Variants in AHCYL2 observed in about 807,000 individuals in gnomAD.
The protein encoded by AHCYL2 is S-adenosylhomocysteine hydrolase-like protein 2.
In AHCYL2, 28 loss-of-function variants were observed where a neutral mutation model predicts 81.4. That is an observed-to-expected ratio of 0.34 (90% CI 0.25 to 0.47). The LOEUF is 0.47. Among genes scored for constraint, AHCYL2 ranks in the 20% least tolerant of loss-of-function variants. The pLI is 1.00. For synonymous variants in AHCYL2, 272 were observed against 290.2 expected, an observed-to-expected ratio of 0.94 and a Z score of 0.64; for missense variants, 551 against 785.1, an observed-to-expected ratio of 0.70 and a Z score of 3.56.
chr7:129,299,291 A>AC lies in AHCYL2; in HGVS notation c.363+73852_363+73853insC, dbSNP rs991278997. On this transcript the variant is annotated intron_variant, in intron 1 of 16. Coordinates refer to ENST00000325006, the MANE Select transcript of AHCYL2 (RefSeq NM_015328.4). ...GTCCCCTCCTCTACCAAAAAAAAAA[A>AC]AACAAAAAACTATCCGGGCATAGTG... 1.4e-4 allele frequency among the ~76,000 whole-genome samples: 21 copies of AC among 149,938 alleles called. 1 individual carries two copies. Among genetic ancestry groups the AC allele is most frequent in the Admixed American group, 4.0e-4 (6 of 15,034 alleles).
chr7:129,357,428 A>C lies in AHCYL2; in HGVS notation c.364-22210A>C, dbSNP rs76648745. Among the ~76,000 whole-genome samples, 110 of 152,340 alleles carry C rather than the reference A, an allele frequency of 7.2e-4. 1 individual carries two copies. In the East Asian group the frequency reaches 0.021, roughly 29 times the overall value. On this transcript the variant is annotated intron_variant, in intron 1 of 16. Coordinates refer to ENST00000325006, the MANE Select transcript of AHCYL2 (RefSeq NM_015328.4). ...GTTTCTAAGTCTAAAATTATTTCAAAAGAAAATGTTTTTTATTAATAAGAG... is the reference window on the plus strand; with the variant it reads ...GTTTCTAAGTCTAAAATTATTTCAACAGAAAATGTTTTTTATTAATAAGAG...
chr7:129,265,033 A>G (rs943762762), intron 1 of AHCYL2, among the ~76,000 whole-genome samples: 2 of 152,358 alleles, frequency 1.3e-5, no homozygotes, highest in African/African-American at 4.8e-5. Flanking sequence ...ATGATTTATT[A>G]AATCTGGTCA....
chr7:129,296,567 T>A (rs1584755525), intron 1 of AHCYL2, among the ~76,000 whole-genome samples: 1 of 152,038 alleles, frequency 6.6e-6, no homozygotes, highest in East Asian at 1.9e-4. Context: ...AAAAAATTAG[T>A]TGGGCATGTA....
At chr7:129,278,536 T>C (rs749529397) in intron 1 of AHCYL2, among the ~76,000 whole-genome samples, 1 of 152,294 alleles carries the variant, frequency 6.6e-6, no homozygotes, top group African/African-American at 2.4e-5. Context: ...CACAATGCCT[T>C]TCGAAAAGCA....
chr7:129,249,719 C>T (rs570194632), intron 1 of AHCYL2, among the ~76,000 whole-genome samples: 7 of 152,350 alleles, frequency 4.6e-5, no homozygotes, highest in African/African-American at 1.4e-4. Context: ...GCCACCGTGC[C>T]TGGCCTAAAC....
chr7:129,409,109 G>A (rs1796445305), intron 10 of AHCYL2, among the ~76,000 whole-genome samples: 1 of 151,674 alleles, frequency 6.6e-6, no homozygotes, highest in South Asian at 2.1e-4. Context: ...AACACACACA[G>A]TTAAGAGTCT....
At chr7:129,375,785 C>G in intron 1 of AHCYL2, 1 of 1,523,362 alleles carries the variant, frequency 6.6e-7, no homozygotes, top group Non-Finnish European at 8.8e-7. Context: ...CCAGAGCCAA[C>G]AGAATTGCTG....
intron 5 of AHCYL2, among the ~76,000 whole-genome samples, chr7:129,398,407 C>G (rs1164008109): frequency 6.7e-6 from 1 of 148,620 alleles, no homozygotes; most frequent in Non-Finnish European, 1.5e-5. Flanking sequence ...GAGATGAAGT[C>G]TCACTCTGTC....
intron 1 of AHCYL2, among the ~76,000 whole-genome samples, chr7:129,256,993 C>T (rs1010760059): frequency 3.3e-5 from 5 of 152,038 alleles, no homozygotes; most frequent in African/African-American, 1.2e-4. Context: ...CCCCTTTTGT[C>T]TTGACATGAT....
chr7:129,410,327 T>C (rs1796508068), intron 11 of AHCYL2: 3 of 1,614,120 alleles, frequency 1.9e-6, no homozygotes, highest in Non-Finnish European at 2.5e-6. Flanking sequence ...CTCTTCAATG[T>C]CATCAAGCTT....
rs533032541 is a variant in AHCYL2, at chr7:129,336,485, G to A, written c.364-43153G>A. 9.2e-5 allele frequency among the ~76,000 whole-genome samples: 14 copies of A among 152,262 alleles called. No individual in the cohort carries two copies. In the South Asian group the frequency reaches 2.9e-3, roughly 32 times the overall value. On this transcript the variant is annotated intron_variant, in intron 1 of 16. Transcript: ENST00000325006. ...TTTCAGTGGTAACTTAATCCAGATA[G>A]TAATAACCCATACATTAATTTCTTG...
intron 1 of AHCYL2, among the ~76,000 whole-genome samples, chr7:129,260,189 T>C (rs553663222): frequency 1.4e-4 from 22 of 152,338 alleles, no homozygotes; most frequent in South Asian, 6.2e-4. Flanking sequence ...GATTTTAAGT[T>C]TCCTTCCTCC....
intron 1 of AHCYL2, among the ~76,000 whole-genome samples, chr7:129,338,141 T>C (rs1793023309): frequency 6.6e-6 from 1 of 152,102 alleles, no homozygotes; most frequent in Admixed American, 6.5e-5. Flanking sequence ...GTGGAATTGC[T>C]GATTCCAAGG....
chr7:129,416,643 C>CA (rs1054500492), intron 12 of AHCYL2, among the ~76,000 whole-genome samples: 26 of 150,614 alleles, frequency 1.7e-4, no homozygotes, highest in East Asian at 9.8e-4. Context: ...ACTAAAAATC[C>CA]AAAAAAAATA....
Position 129,286,607 on chromosome 7 carries a change from C to T in AHCYL2, c.363+61168C>T, listed in dbSNP as rs545092901. Among the ~76,000 whole-genome samples, 3 of 152,208 alleles carry T rather than the reference C, an allele frequency of 2.0e-5. No individual in the cohort carries two copies. The South Asian group carries it at 6.2e-4, about 32-fold the overall frequency. ...TCCCGAGTAGCTGGGACCACAGGCA[C>T]ATGCCAGTGTGCCTGGCTAATTGTT... On this transcript the variant is annotated intron_variant, in intron 1 of 16. Transcript: ENST00000325006.
intron 4 of AHCYL2, among the ~76,000 whole-genome samples, chr7:129,392,229 A>ATACTCTT (rs1201407297): frequency 2.0e-5 from 3 of 152,170 alleles, no homozygotes; most frequent in Middle Eastern, 3.2e-3. Flanking sequence ...TGCCAACCTA[A>ATACTCTT]TACTCTTTCA....
intron 12 of AHCYL2, among the ~76,000 whole-genome samples, chr7:129,416,027 G>A (rs1031615258): frequency 6.6e-6 from 1 of 151,838 alleles, no homozygotes; most frequent in Non-Finnish European, 1.5e-5. Flanking sequence ...CGACAAGAGC[G>A]AAACTCCATC....
intron 1 of AHCYL2, among the ~76,000 whole-genome samples, chr7:129,271,110 C>T (rs1156396466): frequency 6.6e-6 from 1 of 151,814 alleles, no homozygotes; most frequent in Non-Finnish European, 1.5e-5. Flanking sequence ...TGCCTGTAAT[C>T]CCAGCACTTT....
chr7:129,246,345 A>G (rs1210830720), intron 1 of AHCYL2, among the ~76,000 whole-genome samples: 1 of 152,200 alleles, frequency 6.6e-6, no homozygotes. Context: ...GGCGTGAGCC[A>G]CCACACCCTG....
Sources: gnomAD v4.1 joint callset for allele counts (sites outside exome capture counted in the v4.1 genomes callset) on GRCh38, gnomAD v4.1.1 for gene constraint, MANE v1.5 for transcripts, NCBI Gene and HGNC (gene_info 2026-07-23, HGNC 2026-07-21) for gene names.